Variants in STAU2 observed in about 807,000 individuals in gnomAD.
STAU2 encodes staufen double-stranded RNA binding protein 2, also known as double-stranded RNA-binding protein Staufen homolog 2.
A neutral mutation model predicts 65.9 loss-of-function variants in STAU2; 20 were observed. The observed-to-expected ratio is 0.30, with a 90% CI of 0.21 to 0.44. The LOEUF (loss-of-function observed/expected upper bound fraction) is 0.44, where lower values mean the gene tolerates loss of function less well. Ranked by LOEUF, STAU2 falls within the 20% of genes least tolerant of loss-of-function variation. The pLI is 1.00. For synonymous variants in STAU2, 232 were observed against 233.9 expected (o/e 0.99, Z 0.07); for missense variants, 558 against 683.9 (o/e 0.82, Z 2.05).
chr8:73,438,268 G>A (rs1817862725), intron 13 of STAU2, among the ~76,000 whole-genome samples: 1 of 152,210 alleles, frequency 6.6e-6, no homozygotes, highest in African/African-American at 2.4e-5. Context: ...GCACCACGCT[G>A]GGCGCTAACA....
At chr8:73,737,611 C>T (rs1806534751) in intron 3 of STAU2, among the ~76,000 whole-genome samples, 1 of 150,228 alleles carries the variant, frequency 6.7e-6, no homozygotes, top group African/African-American at 2.5e-5. Context: ...ACTACGTTAC[C>T]CAGTCTGGCT....
intron 12 of STAU2, among the ~76,000 whole-genome samples, chr8:73,569,364 T>C (rs1808865556): frequency 6.6e-6 from 1 of 152,094 alleles, no homozygotes; most frequent in Admixed American, 6.5e-5. Flanking sequence ...CCCGCCTCTG[T>C]AGACTCCACC....
At chr8:73,700,288 G>T (rs1368669269) in intron 4 of STAU2, among the ~76,000 whole-genome samples, 1 of 151,950 alleles carries the variant, frequency 6.6e-6, no homozygotes, top group African/African-American at 2.4e-5. Context: ...TTTCACCACT[G>T]TTATTCAACA....
At chr8:73,517,472 G>A (rs12676672) in intron 13 of STAU2, among the ~76,000 whole-genome samples, 18,057 of 152,010 alleles carry the variant, frequency 0.12, 1,533 homozygotes, top group East Asian at 0.45. Flanking sequence ...AGCAGCATAT[G>A]TGCAGGTCCA....
In STAU2 at chr8:73,486,611, T is replaced by TTTTA. The variant is rs1554596359; in HGVS notation, c.1531-63910_1531-63909insTAAA. 6.4e-4 allele frequency among the ~76,000 whole-genome samples: 92 copies of TTTTA among 143,642 alleles called. 7 individuals are homozygous for TTTTA. The East Asian group carries it at 7.7e-3, about 12-fold the overall frequency. The allele number at this position is 143,642 out of a possible 152,430, so 94.2% of individuals were successfully genotyped here. On this transcript the variant is annotated intron_variant, in intron 13 of 14. Coordinates refer to ENST00000524300, the MANE Select transcript of STAU2 (RefSeq NM_001164380.2). ...TTCTCTTTTTCCTGAAAAATATCCA[T>TTTTA]TATATATATATATATACACATTTAT... is the stretch of plus-strand genomic sequence containing the variant.
chr8:73,668,701 G>T (rs910087015), intron 6 of STAU2, among the ~76,000 whole-genome samples: 12 of 151,986 alleles, frequency 7.9e-5, no homozygotes, highest in Admixed American at 7.9e-4. Flanking sequence ...TACATAACCG[G>T]ATGTAATTAT....
intron 3 of STAU2, among the ~76,000 whole-genome samples, chr8:73,731,150 C>T (rs1046867010): frequency 6.6e-6 from 1 of 152,250 alleles, no homozygotes; most frequent in East Asian, 1.9e-4. Flanking sequence ...TCTTCTCTGG[C>T]CTCAGGTAGG....
intron 6 of STAU2, among the ~76,000 whole-genome samples, chr8:73,644,815 T>C (rs1815251951): frequency 6.6e-6 from 1 of 152,184 alleles, no homozygotes; most frequent in African/African-American, 2.4e-5. Context: ...AGATCAATTC[T>C]ACACACAGAA....
chr8:73,431,672 C>G (rs16938656), intron 13 of STAU2, among the ~76,000 whole-genome samples: 10,535 of 152,226 alleles, frequency 0.069, 957 homozygotes, highest in African/African-American at 0.21. Context: ...TTGTTTTGTA[C>G]GTAGTTATAG....
intron 5 of STAU2, among the ~76,000 whole-genome samples, chr8:73,674,264 G>A (rs1027805453): frequency 6.6e-6 from 1 of 151,654 alleles, no homozygotes; most frequent in Non-Finnish European, 1.5e-5. Flanking sequence ...AGGGGTGGGG[G>A]AGCAATCTCT....
chr8:73,638,141 T>C lies in STAU2; in HGVS notation c.411-20690A>G, dbSNP rs55936205. ...GAAACTGGCAGGGGCAGGGGCAAAA[T>C]TGGGTAACTGGAATGCAGGGGTGGC... On this transcript the variant is annotated intron_variant, in intron 6 of 14. Transcript: ENST00000524300. 9.0e-3 allele frequency among the ~76,000 whole-genome samples: 1,372 copies of C among 152,016 alleles called. 12 individuals carry two copies. Among genetic ancestry groups the C allele is most frequent in the South Asian group, 0.06 (288 of 4,824 alleles).
At chr8:73,674,870 G>A (rs1001264187) in intron 5 of STAU2, among the ~76,000 whole-genome samples, 3 of 151,122 alleles carry the variant, frequency 2.0e-5, no homozygotes, top group African/African-American at 7.3e-5. Context: ...AATCCTAACT[G>A]AAAATATCAC....
intron 3 of STAU2, among the ~76,000 whole-genome samples, chr8:73,723,034 G>A (rs1250760278): frequency 3.3e-5 from 5 of 151,980 alleles, no homozygotes; most frequent in African/African-American, 9.7e-5. Flanking sequence ...TATCCTAGCC[G>A]CTCAGGGCAC....
intron 5 of STAU2, among the ~76,000 whole-genome samples, chr8:73,677,603 A>T (rs1007530028): frequency 3.3e-5 from 5 of 152,192 alleles, no homozygotes; most frequent in Non-Finnish European, 5.9e-5. Context: ...GATTCCAACA[A>T]GAAGGCACAA....
At chr8:73,734,518 G>A (rs542443814) in intron 3 of STAU2, among the ~76,000 whole-genome samples, 13 of 152,048 alleles carry the variant, frequency 8.5e-5, no homozygotes, top group Middle Eastern at 3.2e-3. Context: ...CATGTAGGCC[G>A]GGCACGGTGG....
intron 6 of STAU2, among the ~76,000 whole-genome samples, chr8:73,625,258 G>A (rs914769890): frequency 3.9e-5 from 6 of 152,026 alleles, no homozygotes; most frequent in African/African-American, 7.2e-5. Flanking sequence ...ACAAAAACTC[G>A]TAGGTAAATG....
chr8:73,430,264 G>A (rs1030712334), intron 13 of STAU2, among the ~76,000 whole-genome samples: 3 of 152,260 alleles, frequency 2.0e-5, no homozygotes, highest in East Asian at 1.9e-4. Context: ...AAGGTGAAGC[G>A]AATAAAAATC....
intron 1 of STAU2, among the ~76,000 whole-genome samples, chr8:73,745,388 A>T (rs1229277967): frequency 6.6e-6 from 1 of 152,234 alleles, no homozygotes; most frequent in Non-Finnish European, 1.5e-5. Flanking sequence ...GTGTACTTGA[A>T]TCATCTAAAG....
intron 12 of STAU2, among the ~76,000 whole-genome samples, chr8:73,578,094 A>G (rs532721927): frequency 1.6e-4 from 25 of 152,298 alleles, no homozygotes; most frequent in Non-Finnish European, 2.4e-4. Context: ...TCATACTGCA[A>G]TGAATAAATG....
Sources: allele counts gnomAD v4.1 joint callset (sites outside exome capture counted in the v4.1 genomes callset), GRCh38; gene constraint gnomAD v4.1.1; transcripts MANE v1.5; gene names NCBI Gene and HGNC (gene_info 2026-07-23, HGNC 2026-07-21).